Variants in MAPK8 observed in about 807,000 individuals in gnomAD.
The protein encoded by MAPK8 is JUN N-terminal kinase.
MAPK8 carries 13 observed loss-of-function variants against 52.9 expected under a neutral mutation model. The observed-to-expected ratio is 0.25, with a 90% CI of 0.16 to 0.39. MAPK8 has a LOEUF of 0.39. Ranked by LOEUF, MAPK8 falls within the 10% of genes least tolerant of loss-of-function variation. MAPK8 has a pLI of 1.00. For missense variants in MAPK8, 300 were observed against 519.2 expected (o/e 0.58, Z 4.10); for synonymous variants, 191 against 169.8 (o/e 1.12, Z -0.97).
intron 1 of MAPK8, among the ~76,000 whole-genome samples, chr10:48,313,352 G>A (rs1230249522): frequency 1.3e-5 from 2 of 152,112 alleles, no homozygotes; most frequent in Non-Finnish European, 2.9e-5. Flanking sequence ...AGAATCTCTT[G>A]AATCTAGGAG....
chr10:48,411,016 C>A (rs1325143341), intron 5 of MAPK8, among the ~76,000 whole-genome samples: 2 of 152,138 alleles, frequency 1.3e-5, no homozygotes, highest in African/African-American at 2.4e-5. Context: ...TTATGTATTT[C>A]ATACATGAAA....
chr10:48,310,087 G>A (rs72792266), intron 1 of MAPK8, among the ~76,000 whole-genome samples: 9,232 of 152,262 alleles, frequency 0.061, 372 homozygotes, highest in Middle Eastern at 0.16. Flanking sequence ...GAGTTATCCT[G>A]TCATTCAGGT....
intron 1 of MAPK8, among the ~76,000 whole-genome samples, chr10:48,393,975 G>A (rs1353265574): frequency 6.6e-6 from 1 of 151,684 alleles, no homozygotes; most frequent in Non-Finnish European, 1.5e-5. Flanking sequence ...GAGATTAATA[G>A]GAATGAAAGA....
At chr10:48,331,784 C>T (rs969789909) in intron 1 of MAPK8, among the ~76,000 whole-genome samples, 1 of 152,168 alleles carries the variant, frequency 6.6e-6, no homozygotes, top group African/African-American at 2.4e-5. Context: ...TAGGGAGGAT[C>T]TGTAGCTCTG....
chr10:48,344,218 A>G (rs1845558019), intron 1 of MAPK8, among the ~76,000 whole-genome samples: 1 of 152,264 alleles, frequency 6.6e-6, no homozygotes. Context: ...GAAAATTGTT[A>G]TAATACAGTC....
At chr10:48,425,610 G>T (rs1218821447) in intron 7 of MAPK8, 4 of 337,466 alleles carry the variant, frequency 1.2e-5, no homozygotes, top group Non-Finnish European at 2.1e-5. Flanking sequence ...ATTCTTAGTT[G>T]CTTATCATTT....
At position 48,356,899 on chromosome 10, in the gene MAPK8, CAA is replaced by C. The variant is rs201368039; in HGVS notation, c.-49-44695_-49-44694del. Among the ~76,000 whole-genome samples the C allele has an allele frequency of 3.0e-3, 142 of 47,238 alleles. 2 individuals are homozygous for C. Among genetic ancestry groups the C allele is most frequent in the African/African-American group, 9.5e-3 (128 of 13,542 alleles). 31.0% of individuals were successfully genotyped at this position (47,238 alleles called of 152,430 possible). On this transcript the variant is annotated intron_variant, in intron 1 of 11. Coordinates refer to ENST00000374189, the MANE Select transcript of MAPK8 (RefSeq NM_001323329.2). ...AAAAAAATCCAACTACGTAGTTTACCAAAAAAAAAAAAAAAAAAAGTTTAAAA... is the reference window on the plus strand; with the variant it reads ...AAAAAAATCCAACTACGTAGTTTACCAAAAAAAAAAAAAAAAAGTTTAAAA...
At chr10:48,326,946 T>C (rs1459009964) in intron 1 of MAPK8, among the ~76,000 whole-genome samples, 1 of 152,214 alleles carries the variant, frequency 6.6e-6, no homozygotes, top group Non-Finnish European at 1.5e-5. Flanking sequence ...GTTTTTTGTT[T>C]GTTTGTTTGT....
intron 1 of MAPK8, among the ~76,000 whole-genome samples, chr10:48,396,672 A>C (rs1746791216): frequency 1.3e-5 from 2 of 152,250 alleles, no homozygotes; most frequent in Non-Finnish European, 2.9e-5. Flanking sequence ...GCAAGGGGTG[A>C]ATAGATAGCA....
At chr10:48,383,729 C>T (rs1009175790) in intron 1 of MAPK8, among the ~76,000 whole-genome samples, 5 of 152,050 alleles carry the variant, frequency 3.3e-5, no homozygotes, top group Non-Finnish European at 7.4e-5. Context: ...TTTATAATCT[C>T]AGTAGTTTCA....
intron 3 of MAPK8, among the ~76,000 whole-genome samples, chr10:48,408,928 AG>A (rs2042602873): frequency 6.6e-6 from 1 of 152,118 alleles, no homozygotes; most frequent in African/African-American, 2.4e-5. Flanking sequence ...AAGGAGAGGG[AG>A]AGAAAAATTG....
intron 6 of MAPK8, among the ~76,000 whole-genome samples, chr10:48,423,690 G>T (rs907343107): frequency 2.6e-5 from 4 of 151,974 alleles, no homozygotes; most frequent in Non-Finnish European, 5.9e-5. Flanking sequence ...ATGCACAGTT[G>T]AACTTCTAAA....
intron 1 of MAPK8, among the ~76,000 whole-genome samples, chr10:48,315,916 G>A (rs950591917): frequency 6.6e-6 from 1 of 152,012 alleles, no homozygotes; most frequent in African/African-American, 2.4e-5. Flanking sequence ...TATGTAAAAT[G>A]AGCCAAAATA....
chr10:48,373,037 T>C (rs1343372128), intron 1 of MAPK8, among the ~76,000 whole-genome samples: 2 of 152,140 alleles, frequency 1.3e-5, no homozygotes, highest in African/African-American at 4.8e-5. Context: ...AGTGAATCTC[T>C]TTGGCAGAAA....
At position 48,401,789 on chromosome 10, in the gene MAPK8, G is replaced by A; in HGVS notation, c.122+7G>A. 1 of 1,411,672 alleles carries A rather than the reference G, an allele frequency of 7.1e-7. No individual in the cohort carries two copies. The highest frequency in any genetic ancestry group is 9.3e-7 in the Non-Finnish European group (1 of 1,077,822). The allele number at this position is 1,411,672 out of a possible 1,614,324, so 87.4% of individuals were successfully genotyped here. A position where few individuals can be genotyped will look rare whatever the true frequency, so the allele number is the denominator to read the frequency against. ...GAGCTCAAGGAATAGTATGGTAAGT[G>A]TTTACTTCCAAAAATTAGGCAAAGA... On this transcript the variant is annotated splice_region_variant and intron_variant, in intron 2 of 11. Transcript: ENST00000374189.
intron 5 of MAPK8, among the ~76,000 whole-genome samples, chr10:48,413,814 G>GA (rs2042891008): frequency 9.6e-5 from 3 of 31,146 alleles, no homozygotes; most frequent in Admixed American, 5.4e-4. Flanking sequence ...TGCCAGAATT[G>GA]TTATATATAT....
rs1299739127 is a variant in MAPK8 at position 48,404,145 on chromosome 10, A to G, written c.123-707A>G. Among the ~76,000 whole-genome samples the G allele has an allele frequency of 2.0e-5, 3 of 150,470 alleles. No homozygotes were observed. The South Asian group carries it at 6.3e-4, about 31-fold the overall frequency. On this transcript the variant is annotated intron_variant, in intron 2 of 11. Coordinates refer to ENST00000374189, the MANE Select transcript of MAPK8 (RefSeq NM_001323329.2). Reference sequence around the variant, plus strand: ...GTAATGTGTTTACATAGAATTATTCAGCAAATCTTTTGAGTAGAATTTATA... The same window carrying G: ...GTAATGTGTTTACATAGAATTATTCGGCAAATCTTTTGAGTAGAATTTATA...
intron 1 of MAPK8, among the ~76,000 whole-genome samples, chr10:48,327,034 TC>T (rs917815929): frequency 1.3e-5 from 2 of 152,138 alleles, no homozygotes; most frequent in Non-Finnish European, 2.9e-5. Context: ...TTATTTCTTT[TC>T]CCCCCTCCGT....
chr10:48,346,443 C>G (rs926902606), intron 1 of MAPK8, among the ~76,000 whole-genome samples: 5 of 152,238 alleles, frequency 3.3e-5, no homozygotes, highest in Non-Finnish European at 7.3e-5. Flanking sequence ...CTTGGTCTGG[C>G]AGTGACGCCA....
Sources: allele counts gnomAD v4.1 joint callset (sites outside exome capture counted in the v4.1 genomes callset), GRCh38; gene constraint gnomAD v4.1.1; transcripts MANE v1.5; gene names NCBI Gene and HGNC (gene_info 2026-07-23, HGNC 2026-07-21).